Variants in B3GALNT2 observed in about 807,000 individuals in gnomAD.
The protein encoded by B3GALNT2 is beta-1,3-N-acetylgalactosaminyltransferase 2, also known as UDP-GalNAc:beta-1,3-N-acetylgalactosaminyltransferase 2.
Under a neutral mutation model 61.1 loss-of-function variants are expected in B3GALNT2, and 53 were observed. The observed-to-expected ratio is 0.87, with a 90% confidence interval of 0.70 to 1.09. The LOEUF (loss-of-function observed/expected upper bound fraction) is 1.09, where lower values mean the gene tolerates loss of function less well. Among genes scored for constraint, B3GALNT2 ranks in the 50% least tolerant of loss-of-function variants. The pLI is 0.00. For synonymous variants in B3GALNT2, 223 were observed against 237.4 expected (o/e 0.94, Z 0.56); for missense variants, 544 against 623.0 (o/e 0.87, Z 1.35).
At chr1:235,481,211 T>C (rs1285568421) in intron 4 of B3GALNT2, among the ~76,000 whole-genome samples, 1 of 152,196 alleles carries the variant, frequency 6.6e-6, no homozygotes, top group Non-Finnish European at 1.5e-5. Flanking sequence ...GCATCCATCT[T>C]AGACTAGTCC....
intron 6 of B3GALNT2, among the ~76,000 whole-genome samples, chr1:235,466,643 C>A (rs1683711175): frequency 6.6e-6 from 1 of 152,190 alleles, no homozygotes. Context: ...GTGTGGGCCA[C>A]TGTGCCCAGC....
At chr1:235,466,063 T>G (rs1683679874) in intron 6 of B3GALNT2, among the ~76,000 whole-genome samples, 1 of 152,088 alleles carries the variant, frequency 6.6e-6, no homozygotes, top group Non-Finnish European at 1.5e-5. Context: ...CGACCTTTGA[T>G]TTTTTGGAAA....
Position 235,493,733 on chromosome 1 carries a change from G to A in B3GALNT2, c.260+948C>T, listed in dbSNP as rs150783511. On this transcript the variant is annotated intron_variant, in intron 2 of 11. Coordinates refer to ENST00000366600, the MANE Select transcript of B3GALNT2 (RefSeq NM_152490.5). Reference sequence around the variant, plus strand: ...TTGGAGGTTGCAGTGAGCCAAGATCGTGCCACTGCACTTTAGCTTGAGCGA... The same window carrying A: ...TTGGAGGTTGCAGTGAGCCAAGATCATGCCACTGCACTTTAGCTTGAGCGA... Among the ~76,000 whole-genome samples the A allele has an allele frequency of 5.7e-3, 867 of 151,906 alleles. 10 individuals are homozygous for A. Among genetic ancestry groups the A allele is most frequent in the African/African-American group, 0.02 (830 of 41,410 alleles).
intron 2 of B3GALNT2, among the ~76,000 whole-genome samples, chr1:235,491,046 G>T (rs562543869): frequency 6.6e-6 from 1 of 150,786 alleles, no homozygotes; most frequent in South Asian, 2.1e-4. Flanking sequence ...TAAGCTTAAT[G>T]TGATGTGTCT....
At position 235,448,148 on chromosome 1, in the gene B3GALNT2, C is replaced by A. The variant is rs141397768; in HGVS notation, c.*2058G>T. Among the ~76,000 whole-genome samples, 3 of 146,358 alleles carry A rather than the reference C, an allele frequency of 2.0e-5. No individual in the cohort carries two copies. The highest frequency in any genetic ancestry group is 4.4e-5 in the Non-Finnish European group (3 of 67,448). Reference sequence around the variant, plus strand: ...CCGGGAAGCGGAGGTTGCAGTGAGCCGAGATTACACCATTGCACTCCAGCC... The same window carrying A: ...CCGGGAAGCGGAGGTTGCAGTGAGCAGAGATTACACCATTGCACTCCAGCC... On this transcript the variant is annotated 3_prime_UTR_variant, in exon 12 of 12. Coordinates refer to ENST00000366600, the MANE Select transcript of B3GALNT2 (RefSeq NM_152490.5).
chr1:235,467,475 CTTAT>C (rs923848022), intron 6 of B3GALNT2, among the ~76,000 whole-genome samples: 20 of 144,756 alleles, frequency 1.4e-4, no homozygotes, highest in Middle Eastern at 3.5e-3. Context: ...TTGTTATTTA[CTTAT>C]TTACTTTTTT....
At position 235,478,122 on chromosome 1, in the gene B3GALNT2, T is replaced by C. The variant is rs188631486; in HGVS notation, c.651+1932A>G. ...CAGGCTGGAGTGCAGTGTTGCAATC[T>C]TGGCTCACTGCAACCTGTCCCCCGG... is the stretch of plus-strand genomic sequence containing the variant. On this transcript the variant is annotated intron_variant, in intron 5 of 11. Coordinates refer to ENST00000366600, the MANE Select transcript of B3GALNT2 (RefSeq NM_152490.5). Among the ~76,000 whole-genome samples, 34 of 152,282 alleles carry C rather than the reference T, an allele frequency of 2.2e-4. No homozygotes were observed. In the East Asian group the frequency reaches 6.6e-3, roughly 29 times the overall value.
At chr1:235,476,340 G>A (rs569326492) in intron 5 of B3GALNT2, among the ~76,000 whole-genome samples, 1 of 152,316 alleles carries the variant, frequency 6.6e-6, no homozygotes, top group East Asian at 1.9e-4. Flanking sequence ...GAACCCAAGA[G>A]GCAGAGGTTG....
chr1:235,475,352 T>C (rs1010097951), intron 5 of B3GALNT2, among the ~76,000 whole-genome samples: 4 of 152,080 alleles, frequency 2.6e-5, no homozygotes, highest in Admixed American at 2.6e-4. Context: ...GAAGAATCAC[T>C]TGTGACGCCC....
chr1:235,504,182 C>T lies in B3GALNT2; in HGVS notation c.71G>A (p.Arg24His). The change falls in exon 1 of 12, where the codon CGC (arginine) becomes CAC (histidine). Residue 24 changes from arginine (R) to histidine (H), a missense_variant. By Grantham distance (29) the Arg-to-His change is conservative. Transcript: ENST00000366600. ...GGAGGCGCAGGCGGGCGGCGGGGAG[C>T]GCAGCCGCAGCCAGAGGTGCAGCGC... ...GAALHLWLRL[R>H]SPPPACASGA... The T allele has an allele frequency of 2.3e-6, 3 of 1,320,072 alleles. No individual in the cohort carries two copies. The highest frequency in any genetic ancestry group is 4.2e-5 in the South Asian group (2 of 47,264). The allele number at this position is 1,320,072 out of a possible 1,614,324, so 81.8% of individuals were successfully genotyped here.
At chr1:235,444,630 C>A (rs940732526), downstream of B3GALNT2, among the ~76,000 whole-genome samples, 4 of 152,160 alleles carry the variant, frequency 2.6e-5, no homozygotes, top group African/African-American at 9.7e-5. Context: ...GCCTCAAACT[C>A]CTGAGCTCAA....
At chr1:235,442,043 T>C in the B3GALNT2 span, among the ~76,000 whole-genome samples, 1 of 151,682 alleles carries the variant, frequency 6.6e-6, no homozygotes, top group Non-Finnish European at 1.5e-5. Context: ...AGTCTCCCTC[T>C]GTCTCCCAGG....
intron 2 of B3GALNT2, among the ~76,000 whole-genome samples, chr1:235,490,170 A>G (rs1684996442): frequency 6.6e-6 from 1 of 152,040 alleles, no homozygotes; most frequent in African/African-American, 2.4e-5. Context: ...CTCCCTAAAC[A>G]ATATTATTTA....
In B3GALNT2 at chr1:235,479,802, C is replaced by A. The variant is rs1684469496; in HGVS notation, c.651+252G>T. 9 of 367,940 alleles carry A rather than the reference C, an allele frequency of 2.4e-5. No individual in the cohort carries two copies. The South Asian group carries it at 5.7e-4, about 23-fold the overall frequency. The allele number at this position is 367,940 out of a possible 1,614,324, so 22.8% of individuals were successfully genotyped here. A position where few individuals can be genotyped will look rare whatever the true frequency, so the allele number is the denominator to read the frequency against. ...TAAAACAATTGTGTAGTTCTCTACT[C>A]CACTAAATAAACTACGGAAACATGC... On this transcript the variant is annotated intron_variant, in intron 5 of 11. Transcript: ENST00000366600.
chr1:235,449,091 G>A lies in B3GALNT2; in HGVS notation c.*1115C>T, dbSNP rs1014748161. ...TAAAATCTGAACACAGTTAATATCT[G>A]TCATAAGACTAGTTTTAATGGAATT... On this transcript the variant is annotated 3_prime_UTR_variant, in exon 12 of 12. Transcript: ENST00000366600. 2 of 293,216 alleles carry A rather than the reference G, an allele frequency of 6.8e-6. No homozygotes were observed. The highest frequency in any genetic ancestry group is 1.3e-5 in the Non-Finnish European group (2 of 151,294). The allele number at this position is 293,216 out of a possible 1,614,324, so 18.2% of individuals were successfully genotyped here. A position where few individuals can be genotyped will look rare whatever the true frequency, so the allele number is the denominator to read the frequency against.
At chr1:235,455,428 T>A in intron 9 of B3GALNT2, 131 bp downstream of exon 9, 1 of 1,003,284 alleles carries the variant, frequency 1.0e-6, no homozygotes, top group Non-Finnish European at 1.4e-6. Context: ...ATGAAATATA[T>A]ATAAACCCAG....
intron 7 of B3GALNT2, chr1:235,463,462 A>T (rs1406167206): frequency 6.6e-6 from 1 of 151,588 alleles, no homozygotes; most frequent in Non-Finnish European, 1.5e-5. Flanking sequence ...TTTTTGCACA[A>T]ATTAACAAGC....
chr1:235,490,922 G>A (rs1369593091), intron 2 of B3GALNT2, among the ~76,000 whole-genome samples: 4 of 151,978 alleles, frequency 2.6e-5, no homozygotes, highest in Non-Finnish European at 5.9e-5. Context: ...ATTGGCCATA[G>A]TGGAAATATT....
chr1:235,483,809 T>G (rs890822181), intron 4 of B3GALNT2, among the ~76,000 whole-genome samples: 1 of 152,244 alleles, frequency 6.6e-6, no homozygotes, highest in African/African-American at 2.4e-5. Context: ...ATGCTGCTAC[T>G]TCACATGCAC....
Sources: allele counts gnomAD v4.1 joint callset (sites outside exome capture counted in the v4.1 genomes callset), GRCh38; gene constraint gnomAD v4.1.1; transcripts MANE v1.5; gene names NCBI Gene and HGNC (gene_info 2026-07-23, HGNC 2026-07-21).